UMAD1: variants seen among roughly 807,000 people sequenced by gnomAD.
The protein encoded by UMAD1 is UBAP1-MVB12-associated (UMA) domain containing 1.
A neutral mutation model predicts 6.1 loss-of-function variants in UMAD1; 8 were observed. That is an observed-to-expected ratio of 1.30 (90% confidence interval 0.76 to 2.35). UMAD1 has a LOEUF of 2.35. Ranked by LOEUF, UMAD1 falls within the 30% of genes most tolerant of loss-of-function variation. UMAD1 has a pLI of 0.00. For missense variants in UMAD1, 130 were observed against 78.4 expected (o/e 1.66, Z -2.49); for synonymous variants, 56 against 31.4 (o/e 1.78, Z -2.61).
At chr7:7,679,804 A>G (rs1314669355) in intron 2 of UMAD1, among the ~76,000 whole-genome samples, 1 of 150,780 alleles carries the variant, frequency 6.6e-6, no homozygotes, top group East Asian at 1.9e-4. Flanking sequence ...GGCTCAAGCC[A>G]TCTTCCTGCC....
chr7:7,695,342 A>G (rs904150020), intron 2 of UMAD1, among the ~76,000 whole-genome samples: 3 of 152,232 alleles, frequency 2.0e-5, no homozygotes, highest in African/African-American at 4.8e-5. Context: ...TTTCATTTGT[A>G]ACACAGAATG....
chr7:7,651,205 A>G (rs780022325), intron 1 of UMAD1, among the ~76,000 whole-genome samples: 8 of 152,250 alleles, frequency 5.3e-5, no homozygotes, highest in African/African-American at 1.4e-4. Context: ...CAAAAATTAC[A>G]TAGAAACCAG....
intron 3 of UMAD1, among the ~76,000 whole-genome samples, chr7:7,847,099 AAAAAAATATAT>A (rs1186010977): frequency 1.3e-4 from 6 of 44,532 alleles, no homozygotes; most frequent in Admixed American, 2.6e-4. Context: ...AAAAAAAAAA[AAAAAAATATAT>A]ATATATATAT....
At chr7:7,742,846 C>T (rs1781499397) in intron 2 of UMAD1, among the ~76,000 whole-genome samples, 1 of 152,096 alleles carries the variant, frequency 6.6e-6, no homozygotes, top group Non-Finnish European at 1.5e-5. Context: ...ACTATTCTTT[C>T]TGTCATAATA....
chr7:7,717,229 G>T (rs549295260), intron 2 of UMAD1, among the ~76,000 whole-genome samples: 1 of 151,846 alleles, frequency 6.6e-6, no homozygotes, highest in South Asian at 2.1e-4. Flanking sequence ...GCTAATTTTC[G>T]TATTTTTGGT....
At chr7:7,725,170 A>G (rs1444414702) in intron 2 of UMAD1, among the ~76,000 whole-genome samples, 2 of 152,164 alleles carry the variant, frequency 1.3e-5, no homozygotes, top group Non-Finnish European at 2.9e-5. Flanking sequence ...GGCTCCTCCT[A>G]CAACCAAGGA....
At chr7:7,703,123 AT>A (rs1780504958) in intron 2 of UMAD1, among the ~76,000 whole-genome samples, 1 of 152,204 alleles carries the variant, frequency 6.6e-6, no homozygotes, top group African/African-American at 2.4e-5. Flanking sequence ...TCTTCATATA[AT>A]TGAATACAGC....
chr7:7,761,162 C>T (rs577067373), intron 2 of UMAD1, among the ~76,000 whole-genome samples: 1 of 152,152 alleles, frequency 6.6e-6, no homozygotes, highest in African/African-American at 2.4e-5. Flanking sequence ...CCCAGGAATT[C>T]AAGTTCAGCT....
At chr7:7,874,345 C>T (rs575620885) in intron 3 of UMAD1, among the ~76,000 whole-genome samples, 1 of 152,216 alleles carries the variant, frequency 6.6e-6, no homozygotes, top group Non-Finnish European at 1.5e-5. Context: ...CTGCTGTCAA[C>T]CCAGCAACCA....
intron 3 of UMAD1, among the ~76,000 whole-genome samples, chr7:7,834,211 C>T (rs1387345204): frequency 2.0e-5 from 3 of 151,250 alleles, no homozygotes; most frequent in Non-Finnish European, 3.0e-5. Context: ...TTATTAGAGG[C>T]GGGGTTTCAC....
At chr7:7,680,933 GT>G (rs753426747) in intron 2 of UMAD1, among the ~76,000 whole-genome samples, 1 of 151,772 alleles carries the variant, frequency 6.6e-6, no homozygotes, top group African/African-American at 2.4e-5. Context: ...AGTTCTGATA[GT>G]TTTTTTAGTT....
At chr7:7,713,905 G>A (rs967316864) in intron 2 of UMAD1, among the ~76,000 whole-genome samples, 8 of 152,108 alleles carry the variant, frequency 5.3e-5, no homozygotes, top group Non-Finnish European at 1.2e-4. Context: ...ACCACAGACA[G>A]CTCACTGCAG....
At chr7:7,853,034 G>A (rs948602595) in intron 3 of UMAD1, among the ~76,000 whole-genome samples, 14 of 152,210 alleles carry the variant, frequency 9.2e-5, no homozygotes, top group African/African-American at 3.4e-4. Context: ...GCAGGAGAAG[G>A]TCAGAAAGAG....
At chr7:7,672,247 T>C (rs1432387961) in intron 1 of UMAD1, among the ~76,000 whole-genome samples, 2 of 152,182 alleles carry the variant, frequency 1.3e-5, no homozygotes, top group Non-Finnish European at 2.9e-5. Context: ...CAGAATCCTA[T>C]GTGTCCTTGC....
intron 1 of UMAD1, chr7:7,641,097 T>C (rs1169074588): frequency 6.6e-6 from 1 of 152,532 alleles, no homozygotes. Flanking sequence ...GATCACTTTC[T>C]TCAGGCTTTT....
At chr7:7,749,474 G>T (rs1583796634) in intron 2 of UMAD1, among the ~76,000 whole-genome samples, 1 of 152,196 alleles carries the variant, frequency 6.6e-6, no homozygotes, top group Non-Finnish European at 1.5e-5. Context: ...CCAGGAATGG[G>T]AGTGGGTAAG....
chr7:7,693,271 T>C (rs780768609), intron 2 of UMAD1, among the ~76,000 whole-genome samples: 5 of 149,378 alleles, frequency 3.3e-5, no homozygotes, highest in African/African-American at 9.9e-5. Context: ...TAAGTAAATA[T>C]GAATAGTTAC....
intron 3 of UMAD1, among the ~76,000 whole-genome samples, chr7:7,844,047 C>T (rs1348617701): frequency 3.3e-5 from 5 of 152,186 alleles, no homozygotes; most frequent in South Asian, 2.1e-4. Flanking sequence ...AATGCTTTTG[C>T]GTAATGCCTG....
At chr7:7,779,183 C>T (rs899625686) in intron 2 of UMAD1, among the ~76,000 whole-genome samples, 1 of 152,136 alleles carries the variant, frequency 6.6e-6, no homozygotes, top group Non-Finnish European at 1.5e-5. Context: ...GATAGGTTAT[C>T]CTCTGGCTCA....
Sources: gnomAD v4.1 joint callset for allele counts (sites outside exome capture counted in the v4.1 genomes callset) on GRCh38, gnomAD v4.1.1 for gene constraint, MANE v1.5 for transcripts, NCBI Gene and HGNC (gene_info 2026-07-23, HGNC 2026-07-21) for gene names.